The following PKHD1 variants were observed in gnomAD, a reference collection of about 807,000 sequenced individuals.
PKHD1 encodes fibrocystin.
A neutral mutation model predicts 412.0 loss-of-function variants in PKHD1; 291 were observed. The observed-to-expected ratio is 0.71, with a 90% CI of 0.64 to 0.78. PKHD1 has a LOEUF of 0.78. Ranked by LOEUF, PKHD1 falls within the 30% of genes least tolerant of loss-of-function variation. The pLI, the probability that PKHD1 is intolerant of heterozygous loss-of-function variation, is 0.00. For synonymous variants in PKHD1, 1,777 were observed against 1,821.5 expected, an observed-to-expected ratio of 0.98 and a Z score of 0.62; for missense variants, 4,825 against 4,950.7, an observed-to-expected ratio of 0.97 and a Z score of 0.76.
intron 47 of PKHD1, 115 bp downstream of exon 47, chr6:51,870,389 G>T: frequency 3.2e-6 from 3 of 929,554 alleles, no homozygotes; most frequent in Non-Finnish European, 5.2e-6. Context: ...AGTTTCTACT[G>T]ATGCAATCTT....
chr6:51,895,355 A>G lies in PKHD1; in HGVS notation c.6997-8110T>C, dbSNP rs190462350. The stretch of plus-strand genomic sequence containing the variant: ...GACAATAGAATGCAAAAAAAGACTG[A>G]ATAACAGAAAGCCAATGGCACAACT... On this transcript the variant is annotated intron_variant, in intron 43 of 66. Coordinates refer to ENST00000371117, the MANE Select transcript of PKHD1 (RefSeq NM_138694.4). 1.3e-3 allele frequency among the ~76,000 whole-genome samples: 205 copies of G among 152,368 alleles called. 2 individuals are homozygous for G. Among genetic ancestry groups the G allele is most frequent in the African/African-American group, 4.7e-3 (196 of 41,594 alleles).
chr6:51,881,421 G>A (rs1205420871), intron 46 of PKHD1, among the ~76,000 whole-genome samples: 1 of 152,030 alleles, frequency 6.6e-6, no homozygotes, highest in Non-Finnish European at 1.5e-5. Context: ...TGCTTATGTT[G>A]TACATTACAT....
intron 64 of PKHD1, among the ~76,000 whole-genome samples, chr6:51,637,056 C>G (rs1161818707): frequency 6.6e-6 from 1 of 152,114 alleles, no homozygotes; most frequent in Non-Finnish European, 1.5e-5. Context: ...ACACCAAGAC[C>G]AGTTCAAAAT....
chr6:52,025,156 C>G lies in PKHD1; in HGVS notation c.4654G>C (p.Val1552Leu), dbSNP rs1562163171. 1 of 1,614,154 alleles carries G rather than the reference C, an allele frequency of 6.2e-7. No individual in the cohort carries two copies. The change falls in exon 32 of 67, where the codon GTT becomes CTT. Residue 1552 changes from valine (V) to leucine (L), a missense_variant. Physicochemically the swap from Val to Leu is conservative, Grantham distance 32. Transcript: ENST00000371117. ...DLAPGPHYLS[V>L]FYTRNGYACS... The stretch of plus-strand genomic sequence containing the variant: ...GCATACCCATTTCTTGTATAAAAAA[C>G]TGACAGGTAGTGGGGTCCTGGGGCC...
intron 36 of PKHD1, among the ~76,000 whole-genome samples, chr6:51,943,568 T>G (rs185816560): frequency 6.6e-6 from 1 of 151,650 alleles, no homozygotes; most frequent in East Asian, 1.9e-4. Flanking sequence ...CATTCTTAAC[T>G]CCCTCTTAAA....
chr6:51,889,153 G>C (rs1328408022), intron 43 of PKHD1, among the ~76,000 whole-genome samples: 1 of 151,982 alleles, frequency 6.6e-6, no homozygotes, highest in Non-Finnish European at 1.5e-5. Context: ...TGGCTGGTGC[G>C]AGACAAGGAA....
At chr6:52,004,839 C>T (rs972134552) in intron 35 of PKHD1, among the ~76,000 whole-genome samples, 9 of 152,130 alleles carry the variant, frequency 5.9e-5, no homozygotes, top group Non-Finnish European at 1.3e-4. Context: ...TTCCAAAGTA[C>T]TCCCAGTACC....
intron 36 of PKHD1, among the ~76,000 whole-genome samples, chr6:51,943,588 T>C (rs1459129099): frequency 3.3e-5 from 5 of 151,592 alleles, no homozygotes; most frequent in Admixed American, 6.6e-5. Flanking sequence ...AGTAAATAAA[T>C]AATCTTTGCT....
At chr6:51,899,702 A>G (rs894140886) in intron 43 of PKHD1, among the ~76,000 whole-genome samples, 1 of 152,136 alleles carries the variant, frequency 6.6e-6, no homozygotes, top group Non-Finnish European at 1.5e-5. Context: ...AAGGGTATTC[A>G]ATTAGGAAAA....
Position 51,753,250 on chromosome 6 carries a change from C to T in PKHD1, c.8901G>A (p.Gly2967=), listed in dbSNP as rs1562235153. The T allele has an allele frequency of 6.2e-7, 1 of 1,613,772 alleles. No individual in the cohort carries two copies. The highest frequency in any genetic ancestry group is 8.5e-7 in the Non-Finnish European group (1 of 1,179,708). Residue 2967 remains glycine, a synonymous_variant, in exon 57 of 67, where the codon GGG becomes GGA. Transcript: ENST00000371117. ...TCCTGAAGGACCCCACAAACAGTCT[C>T]CCCCTACATGATACGTCAGGCTGAA... ...IQIQPDVSCR[G]RLFVGSFRKS... is the part of the protein sequence containing the mutation.
chr6:51,963,922 A>C (rs984030692), intron 35 of PKHD1, among the ~76,000 whole-genome samples: 24 of 152,180 alleles, frequency 1.6e-4, no homozygotes, highest in African/African-American at 5.5e-4. Context: ...CTGGAGATAA[A>C]CACATCACTC....
At chr6:51,706,396 C>A (rs1780021780) in intron 60 of PKHD1, among the ~76,000 whole-genome samples, 1 of 151,670 alleles carries the variant, frequency 6.6e-6, no homozygotes, top group Non-Finnish European at 1.5e-5. Flanking sequence ...CAAGTAGGCC[C>A]TTCCTTTCTG....
At chr6:52,030,016 T>C (rs1802798353) in intron 29 of PKHD1, among the ~76,000 whole-genome samples, 2 of 152,188 alleles carry the variant, frequency 1.3e-5, no homozygotes, top group Admixed American at 6.5e-5. Flanking sequence ...GAAATAAATG[T>C]CCTTACCTTT....
chr6:51,757,876 T>A (rs1787282108), intron 55 of PKHD1, among the ~76,000 whole-genome samples: 2 of 151,954 alleles, frequency 1.3e-5, no homozygotes, highest in African/African-American at 2.4e-5. Flanking sequence ...CCTAGCATGA[T>A]GTCACACACC....
rs981973021 is a variant in PKHD1, at chr6:51,847,260, ATTTTTTT to A, written c.8107+508_8107+514del. Among the ~76,000 whole-genome samples the A allele has an allele frequency of 8.0e-5, 8 of 99,994 alleles. No homozygotes were observed. The South Asian group carries it at 9.3e-4, about 12-fold the overall frequency. The allele number at this position is 99,994 out of a possible 152,430, so 65.6% of individuals were successfully genotyped here. A position where few individuals can be genotyped will look rare whatever the true frequency, so the allele number is the denominator to read the frequency against. The stretch of plus-strand genomic sequence containing the variant: ...ACAGGCACATGCCACCATGCCCAGC[ATTTTTTT>A]TTTTTTTTTTTTTTTGGAGAGATGG... On this transcript the variant is annotated intron_variant, in intron 50 of 66. Transcript: ENST00000371117.
chr6:52,014,655 TGATG>T (rs1295144931), intron 34 of PKHD1, among the ~76,000 whole-genome samples: 1 of 142,764 alleles, frequency 7.0e-6, no homozygotes, highest in African/African-American at 2.7e-5. Context: ...ATGAATGGAT[TGATG>T]GATGGATGGA....
chr6:51,790,387 A>T (rs1400097149), intron 53 of PKHD1, among the ~76,000 whole-genome samples: 1 of 152,130 alleles, frequency 6.6e-6, no homozygotes, highest in African/African-American at 2.4e-5. Flanking sequence ...TGGTTAATAC[A>T]CTACCCTAGA....
intron 53 of PKHD1, among the ~76,000 whole-genome samples, chr6:51,787,541 G>A (rs933325771): frequency 3.3e-5 from 5 of 152,094 alleles, no homozygotes; most frequent in African/African-American, 1.2e-4. Context: ...TTTAGGATGT[G>A]GTAAAATTGG....
At chr6:51,766,266 G>T (rs1417545824) in intron 55 of PKHD1, among the ~76,000 whole-genome samples, 1 of 152,062 alleles carries the variant, frequency 6.6e-6, no homozygotes, top group African/African-American at 2.4e-5. Flanking sequence ...TATCAAGATA[G>T]CTACCTATCA....
Sources: gnomAD v4.1 joint callset for allele counts (sites outside exome capture counted in the v4.1 genomes callset) on GRCh38, gnomAD v4.1.1 for gene constraint, MANE v1.5 for transcripts, NCBI Gene and HGNC (gene_info 2026-07-23, HGNC 2026-07-21) for gene names.